The following DLC1 variants were observed in gnomAD, a reference collection of about 807,000 sequenced individuals.
DLC1 encodes the protein rho GTPase-activating protein 7.
Under a neutral mutation model 140.3 loss-of-function variants are expected in DLC1, and 54 were observed. That is an observed-to-expected ratio of 0.38 (90% CI 0.31 to 0.48). DLC1 has a LOEUF of 0.48. Ranked by LOEUF, DLC1 falls within the 20% of genes least tolerant of loss-of-function variation. DLC1 has a pLI of 0.96. For missense variants in DLC1, 2,536 were observed against 1,907.0 expected (o/e 1.33, Z -6.14); for synonymous variants, 986 against 728.1 (o/e 1.35, Z -5.70).
chr8:13,150,527 C>T (rs1422286475), intron 5 of DLC1, among the ~76,000 whole-genome samples: 1 of 152,144 alleles, frequency 6.6e-6, no homozygotes, highest in Non-Finnish European at 1.5e-5. Flanking sequence ...GATTGTGAGA[C>T]ACATGACTGG....
chr8:13,590,588 A>G (rs543063096), intron 1 of DLC1, among the ~76,000 whole-genome samples: 2 of 152,098 alleles, frequency 1.3e-5, no homozygotes, highest in South Asian at 4.1e-4. Context: ...CAGCTCCAGA[A>G]TTTTACTTTT....
chr8:13,207,811 C>T (rs1011167967), intron 5 of DLC1, among the ~76,000 whole-genome samples: 5 of 152,228 alleles, frequency 3.3e-5, no homozygotes, highest in African/African-American at 9.6e-5. Flanking sequence ...GTACAGTTCT[C>T]CACGACAAAG....
chr8:13,429,697 G>C (rs978767417), intron 2 of DLC1, among the ~76,000 whole-genome samples: 1 of 152,094 alleles, frequency 6.6e-6, no homozygotes, highest in Non-Finnish European at 1.5e-5. Flanking sequence ...CAGCAACCTT[G>C]CATTTCTTGT....
At chr8:13,272,205 T>G (rs1333571685) in intron 5 of DLC1, among the ~76,000 whole-genome samples, 4 of 152,160 alleles carry the variant, frequency 2.6e-5, no homozygotes, top group South Asian at 4.1e-4. Flanking sequence ...CTCGGCAATT[T>G]GCGAGGCCAA....
intron 4 of DLC1, among the ~76,000 whole-genome samples, chr8:13,322,181 T>C (rs902905662): frequency 1.3e-5 from 2 of 152,204 alleles, no homozygotes; most frequent in African/African-American, 4.8e-5. Context: ...ATGTGTTAAT[T>C]TCTTAAAACA....
At chr8:13,577,177 C>T (rs10086825) in intron 1 of DLC1, among the ~76,000 whole-genome samples, 111,353 of 151,978 alleles carry the variant, frequency 0.73, 41,238 homozygotes, top group South Asian at 0.81. Context: ...CATCTTCCGA[C>T]ATTGGACTTT....
In DLC1 at chr8:13,553,208, ATATATATATATATATATATG is replaced by A. The variant is rs1181017679; in HGVS notation, c.-126+51309_-126+51328del. On this transcript the variant is annotated intron_variant, in intron 1 of 1. Coordinates refer to the DLC1 transcript ENST00000631382. The stretch of plus-strand genomic sequence containing the variant: ...GACAAATACCTGCCAGCTGTCATAT[ATATATATATATATATATATG>A]TATATATATATATATATATATATGT... 3.3e-3 allele frequency among the ~76,000 whole-genome samples: 204 copies of A among 61,946 alleles called. 5 individuals are homozygous for A. The highest frequency in any genetic ancestry group is 9.6e-3 in the African/African-American group (152 of 15,864). 40.6% of individuals were successfully genotyped at this position (61,946 alleles called of 152,430 possible).
chr8:13,598,157 A>T (rs186306917), intron 1 of DLC1, among the ~76,000 whole-genome samples: 1 of 152,292 alleles, frequency 6.6e-6, no homozygotes, highest in Non-Finnish European at 1.5e-5. Context: ...AAAATTATTA[A>T]AATGTAAAGT....
intron 5 of DLC1, among the ~76,000 whole-genome samples, chr8:13,220,705 T>C (rs1828503313): frequency 6.6e-6 from 1 of 152,208 alleles, no homozygotes; most frequent in Non-Finnish European, 1.5e-5. Flanking sequence ...GCACAGCATA[T>C]TTATTTTTTC....
intron 5 of DLC1, among the ~76,000 whole-genome samples, chr8:13,211,374 G>C (rs534413172): frequency 6.6e-6 from 1 of 152,128 alleles, no homozygotes; most frequent in Admixed American, 6.5e-5. Context: ...ACTTTGCCTA[G>C]GGGTAGCCCT....
intron 9 of DLC1, 42 bp downstream of exon 9, chr8:13,099,305 C>T (rs1425476748): frequency 4.5e-6 from 7 of 1,572,202 alleles, no homozygotes; most frequent in African/African-American, 1.4e-5. Context: ...GTCTTTCTGA[C>T]CCCCAGTGCC....
intron 1 of DLC1, among the ~76,000 whole-genome samples, chr8:13,546,831 C>G (rs770048893): frequency 4.6e-5 from 7 of 152,070 alleles, no homozygotes; most frequent in African/African-American, 7.2e-5. Flanking sequence ...CGGTTTCTGT[C>G]ATAACTTGGC....
chr8:13,446,937 C>T (rs1471674109), intron 2 of DLC1, among the ~76,000 whole-genome samples: 2 of 145,728 alleles, frequency 1.4e-5, no homozygotes, highest in African/African-American at 2.6e-5. Flanking sequence ...AGTGAAACTC[C>T]ATCTCAAAAA....
chr8:13,515,614 G>T (rs756684067), upstream of DLC1: 3 of 152,162 alleles, frequency 2.0e-5, no homozygotes, highest in Non-Finnish European at 4.4e-5. Flanking sequence ...GCCGCTCATG[G>T]TATCTGCATC....
At chr8:13,530,394 C>T (rs1289699343) in intron 1 of DLC1, among the ~76,000 whole-genome samples, 2 of 152,086 alleles carry the variant, frequency 1.3e-5, no homozygotes, top group African/African-American at 4.8e-5. Context: ...AAGGAAATGC[C>T]GAGTTGCTTC....
At chr8:13,130,259 G>A (rs550326698) in intron 5 of DLC1, among the ~76,000 whole-genome samples, 1 of 152,322 alleles carries the variant, frequency 6.6e-6, no homozygotes, top group South Asian at 2.1e-4. Flanking sequence ...CCAAGCCTCT[G>A]ATTGGAAGGC....
intron 4 of DLC1, among the ~76,000 whole-genome samples, chr8:13,324,451 C>G (rs1308702081): frequency 3.3e-5 from 5 of 151,904 alleles, no homozygotes; most frequent in South Asian, 2.1e-4. Context: ...GCCTGTAGTC[C>G]CAGCTACTCG....
chr8:13,321,658 T>A (rs1833130272), intron 4 of DLC1, among the ~76,000 whole-genome samples: 1 of 151,916 alleles, frequency 6.6e-6, no homozygotes, highest in Non-Finnish European at 1.5e-5. Flanking sequence ...AGCATTCTTT[T>A]CTGCAGGAAG....
At chr8:13,457,676 C>CA (rs34916262) in intron 2 of DLC1, among the ~76,000 whole-genome samples, 15,213 of 54,630 alleles carry the variant, frequency 0.28, 2,658 homozygotes, top group Non-Finnish European at 0.38. Context: ...GACTCCATCT[C>CA]AAAAAAAAAA....
Sources: allele counts gnomAD v4.1 joint callset (sites outside exome capture counted in the v4.1 genomes callset), GRCh38; gene constraint gnomAD v4.1.1; transcripts MANE v1.5; gene names NCBI Gene and HGNC (gene_info 2026-07-23, HGNC 2026-07-21).